CDH18: variants seen among roughly 807,000 people sequenced by gnomAD.
CDH18 encodes cadherin-18.
Under a neutral mutation model 67.9 loss-of-function variants are expected in CDH18, and 31 were observed. The ratio of observed to expected loss-of-function variants is 0.46; its 90% CI spans 0.34 to 0.62. The LOEUF (loss-of-function observed/expected upper bound fraction) is 0.62, where lower values mean the gene tolerates loss of function less well. Ranked by LOEUF, CDH18 falls within the 20% of genes least tolerant of loss-of-function variation. CDH18 has a pLI of 0.01. For synonymous variants in CDH18, 362 were observed against 347.2 expected (o/e 1.04, Z -0.48); for missense variants, 890 against 975.5 (o/e 0.91, Z 1.17).
chr5:20,541,664 G>GA (rs1342291967), intron 1 of CDH18, among the ~76,000 whole-genome samples: 1 of 152,064 alleles, frequency 6.6e-6, no homozygotes, highest in Non-Finnish European at 1.5e-5. Context: ...TCAATATTCT[G>GA]AAAAATATGT....
rs528705127 is a variant in CDH18, at chr5:19,769,828, T to C, written c.229-22592A>G. Among the ~76,000 whole-genome samples the C allele has an allele frequency of 1.5e-4, 23 of 151,988 alleles. No homozygotes were observed. In the South Asian group the frequency reaches 4.8e-3, roughly 32 times the overall value. ...GACTCACAGAGTGGGAGACAGTATG[T>C]ACAAATTATTATATCTGATAAGGAT... On this transcript the variant is annotated intron_variant, in intron 3 of 12. Transcript: ENST00000382275.
At chr5:20,534,452 A>C (rs180840784) in intron 1 of CDH18, among the ~76,000 whole-genome samples, 1 of 152,224 alleles carries the variant, frequency 6.6e-6, no homozygotes, top group Non-Finnish European at 1.5e-5. Context: ...ACCAATGTAG[A>C]GATACAAAAC....
intron 1 of CDH18, among the ~76,000 whole-genome samples, chr5:20,415,421 A>G (rs1039660976): frequency 1.4e-4 from 22 of 152,246 alleles, no homozygotes; most frequent in Non-Finnish European, 2.4e-4. Context: ...CATACATACA[A>G]TGGAATATCA....
At chr5:20,375,876 T>A (rs2150091528) in intron 1 of CDH18, among the ~76,000 whole-genome samples, 1 of 152,126 alleles carries the variant, frequency 6.6e-6, no homozygotes, top group East Asian at 1.9e-4. Flanking sequence ...TGTGCTGGCT[T>A]TAGTATAGTG....
chr5:20,289,606 G>A (rs1746955249), intron 1 of CDH18, among the ~76,000 whole-genome samples: 1 of 151,908 alleles, frequency 6.6e-6, no homozygotes, highest in East Asian at 1.9e-4. Flanking sequence ...ATGAATCTCA[G>A]TTTCCTCATT....
At chr5:20,196,372 G>A (rs968833178) in intron 2 of CDH18, among the ~76,000 whole-genome samples, 5 of 152,090 alleles carry the variant, frequency 3.3e-5, no homozygotes, top group African/African-American at 1.2e-4. Flanking sequence ...AAGAAACTGA[G>A]GCACAGAGAT....
At chr5:19,969,968 A>G (rs573946893) in intron 2 of CDH18, among the ~76,000 whole-genome samples, 31 of 152,202 alleles carry the variant, frequency 2.0e-4, no homozygotes, top group Non-Finnish European at 2.5e-4. Flanking sequence ...GAACAGTATA[A>G]GACAGTGGAG....
intron 2 of CDH18, among the ~76,000 whole-genome samples, chr5:19,863,788 C>A (rs1785160558): frequency 6.6e-6 from 1 of 152,192 alleles, no homozygotes; most frequent in African/African-American, 2.4e-5. Flanking sequence ...CAGGCAAGAA[C>A]AACATAGGGA....
chr5:20,024,044 G>C (rs1340660195), intron 2 of CDH18, among the ~76,000 whole-genome samples: 1 of 152,198 alleles, frequency 6.6e-6, no homozygotes, highest in Non-Finnish European at 1.5e-5. Flanking sequence ...GCTAATTGGA[G>C]TGAGTGTTAA....
At chr5:19,679,051 A>T (rs1468043254) in intron 5 of CDH18, among the ~76,000 whole-genome samples, 1 of 152,084 alleles carries the variant, frequency 6.6e-6, no homozygotes, top group Non-Finnish European at 1.5e-5. Flanking sequence ...AATCCTCAAC[A>T]AAATACTAAC....
chr5:19,839,279 C>T (rs1019645752), intron 2 of CDH18, 37 bp from the exon 3 acceptor site: 4 of 337,942 alleles, frequency 1.2e-5, no homozygotes, highest in Admixed American at 8.8e-5. Flanking sequence ...TTACAAAACA[C>T]GGTTTTTTTA....
intron 2 of CDH18, among the ~76,000 whole-genome samples, chr5:20,031,145 A>C (rs1739357412): frequency 6.6e-6 from 1 of 152,130 alleles, no homozygotes; most frequent in Non-Finnish European, 1.5e-5. Context: ...TATAGATAAA[A>C]TAGTTCTGGA....
intron 2 of CDH18, among the ~76,000 whole-genome samples, chr5:20,175,570 C>A (rs1561851536): frequency 6.6e-6 from 1 of 152,076 alleles, no homozygotes. Context: ...TACAGCTAGC[C>A]TCTAATTTCG....
chr5:19,800,577 T>C (rs573375845), intron 3 of CDH18, among the ~76,000 whole-genome samples: 7 of 152,236 alleles, frequency 4.6e-5, no homozygotes, highest in South Asian at 2.1e-4. Context: ...ATCAGTATTT[T>C]ATATATATTG....
intron 1 of CDH18, among the ~76,000 whole-genome samples, chr5:20,471,660 G>A (rs927487699): frequency 6.6e-6 from 1 of 151,242 alleles, no homozygotes; most frequent in African/African-American, 2.4e-5. Context: ...AAATTAGCTG[G>A]GTATGGTGGC....
At chr5:20,433,468 T>C (rs1408394961) in intron 1 of CDH18, among the ~76,000 whole-genome samples, 1 of 151,974 alleles carries the variant, frequency 6.6e-6, no homozygotes, top group Non-Finnish European at 1.5e-5. Context: ...TAAGAGACAC[T>C]GTAAAGAAAG....
At chr5:19,588,143 T>C (rs1744498907) in intron 7 of CDH18, among the ~76,000 whole-genome samples, 1 of 152,144 alleles carries the variant, frequency 6.6e-6, no homozygotes. Flanking sequence ...TGTTGTATCC[T>C]GAGACTTTGC....
chr5:20,412,789 C>G (rs1211777408), intron 1 of CDH18, among the ~76,000 whole-genome samples: 1 of 152,172 alleles, frequency 6.6e-6, no homozygotes, highest in Non-Finnish European at 1.5e-5. Context: ...GAGATACCAT[C>G]TCACATCAGT....
chr5:20,501,866 T>C (rs895233138), intron 1 of CDH18, among the ~76,000 whole-genome samples: 1 of 148,670 alleles, frequency 6.7e-6, no homozygotes, highest in South Asian at 2.1e-4. Context: ...CATCAGGAGA[T>C]TGAAGTTTCC....
Sources: allele counts gnomAD v4.1 joint callset (sites outside exome capture counted in the v4.1 genomes callset), GRCh38; gene constraint gnomAD v4.1.1; transcripts MANE v1.5; gene names NCBI Gene and HGNC (gene_info 2026-07-23, HGNC 2026-07-21).